The following ERBIN variants were observed in gnomAD, a reference collection of about 807,000 sequenced individuals.
ERBIN encodes densin-180-like protein.
In ERBIN, 60 loss-of-function variants were observed where a neutral mutation model predicts 158.4. The ratio of observed to expected loss-of-function variants is 0.38; its 90% CI spans 0.31 to 0.47. The LOEUF (loss-of-function observed/expected upper bound fraction) is 0.47. ERBIN is among the 20% of genes least tolerant of loss of function. The probability of loss-of-function intolerance (pLI) is 0.99; values close to 1 mark genes in which losing one functional copy is unlikely to be tolerated. For missense variants in ERBIN, 1,610 were observed against 1,648.0 expected (o/e 0.98, Z 0.40); for synonymous variants, 594 against 557.2 (o/e 1.07, Z -0.93).
chr5:66,072,852 A>G (rs1761651834), intron 22 of ERBIN, among the ~76,000 whole-genome samples: 1 of 152,128 alleles, frequency 6.6e-6, no homozygotes, highest in Non-Finnish European at 1.5e-5. Context: ...AACTGATTCC[A>G]TGCCTCTAGT....
chr5:65,954,980 G>A (rs1424758476), intron 1 of ERBIN, among the ~76,000 whole-genome samples: 1 of 152,040 alleles, frequency 6.6e-6, no homozygotes, highest in Non-Finnish European at 1.5e-5. Flanking sequence ...TAGTAGAATC[G>A]CTTGAACTCG....
At chr5:65,998,395 T>TGAAG (rs1418074273) in intron 4 of ERBIN, among the ~76,000 whole-genome samples, 1 of 151,748 alleles carries the variant, frequency 6.6e-6, no homozygotes, top group Non-Finnish European at 1.5e-5. Flanking sequence ...TAGGTTAAGG[T>TGAAG]GAAGGTTTTA....
At chr5:66,001,151 T>A (rs1752979341) in intron 4 of ERBIN, among the ~76,000 whole-genome samples, 1 of 152,170 alleles carries the variant, frequency 6.6e-6, no homozygotes, top group Non-Finnish European at 1.5e-5. Context: ...AATGTAATAT[T>A]TTGAAATTAT....
intron 2 of ERBIN, 107 bp downstream of exon 2, chr5:65,988,789 A>G (rs1404833756): frequency 6.6e-6 from 1 of 152,094 alleles, no homozygotes; most frequent in African/African-American, 2.4e-5. Flanking sequence ...GTTTGAGACC[A>G]GCCTGGGTAA....
At chr5:65,961,743 A>T (rs551026104) in intron 1 of ERBIN, among the ~76,000 whole-genome samples, 95 of 152,104 alleles carry the variant, frequency 6.2e-4, no homozygotes, top group Non-Finnish European at 1.0e-3. Flanking sequence ...TCTGTAGTCT[A>T]CTTCTTTTAC....
At chr5:65,989,816 A>G (rs1366003861) in intron 2 of ERBIN, among the ~76,000 whole-genome samples, 1 of 152,230 alleles carries the variant, frequency 6.6e-6, no homozygotes, top group African/African-American at 2.4e-5. Flanking sequence ...AGTGGCTACC[A>G]TACTGGACAT....
At chr5:66,049,904 A>G (rs985077636) in intron 19 of ERBIN, among the ~76,000 whole-genome samples, 5 of 152,086 alleles carry the variant, frequency 3.3e-5, no homozygotes, top group Non-Finnish European at 7.4e-5. Flanking sequence ...ACCACCTTAC[A>G]TACTGAGAGT....
intron 10 of ERBIN, 43 bp from the exon 11 acceptor site, chr5:66,025,437 T>C: frequency 5.5e-6 from 8 of 1,464,870 alleles, no homozygotes; most frequent in Non-Finnish European, 7.7e-6. Context: ...GACTTGCTTC[T>C]ATTTTAAGCT....
In ERBIN at chr5:66,018,507, T is replaced by C; in HGVS notation, c.534-2815T>C. The stretch of plus-strand genomic sequence containing the variant: ...ATATATTATATTATATAATATATAT[T>C]ATATATTATATAATATATATTATAT... On this transcript the variant is annotated intron_variant, in intron 7 of 25. Transcript: ENST00000284037. Among the ~76,000 whole-genome samples, 2 of 9,172 alleles carry C rather than the reference T, an allele frequency of 2.2e-4. 1 individual carries two copies. Among genetic ancestry groups the C allele is most frequent in the South Asian group, 6.1e-3 (2 of 326 alleles). 6.0% of individuals were successfully genotyped at this position (9,172 alleles called of 152,430 possible).
chr5:66,014,014 G>A lies in ERBIN; in HGVS notation c.476+376G>A, dbSNP rs116661223. Among the ~76,000 whole-genome samples the A allele has an allele frequency of 7.4e-3, 1,124 of 152,138 alleles. 20 individuals are homozygous for A. The highest frequency in any genetic ancestry group is 0.026 in the African/African-American group (1,074 of 41,514). On this transcript the variant is annotated intron_variant, in intron 6 of 25. Transcript: ENST00000284037. ...GAAAAGAGAATCTGTTTCTGGGGGCGACCTCATCATCTCCCTGCCACCCTC... is the reference window on the plus strand; with the variant it reads ...GAAAAGAGAATCTGTTTCTGGGGGCAACCTCATCATCTCCCTGCCACCCTC...
chr5:66,049,767 T>G (rs779553559), intron 19 of ERBIN, among the ~76,000 whole-genome samples: 1 of 152,092 alleles, frequency 6.6e-6, no homozygotes, highest in Non-Finnish European at 1.5e-5. Flanking sequence ...TTTCTGTGAT[T>G]TGGCTAGAAT....
intron 1 of ERBIN, among the ~76,000 whole-genome samples, chr5:65,939,990 GTC>G (rs1426226941): frequency 2.0e-5 from 3 of 149,596 alleles, no homozygotes; most frequent in South Asian, 2.1e-4. Flanking sequence ...AGTGAGGAGC[GTC>G]TCTGCCTGGC....
At chr5:66,011,557 G>A (rs1754205848) in intron 4 of ERBIN, among the ~76,000 whole-genome samples, 1 of 152,122 alleles carries the variant, frequency 6.6e-6, no homozygotes, top group African/African-American at 2.4e-5. Flanking sequence ...CATGGTGGCG[G>A]GCGCCTGTAA....
Position 65,994,142 on chromosome 5 carries a change from A to G in ERBIN, c.190-605A>G, listed in dbSNP as rs1172760801. Among the ~76,000 whole-genome samples the G allele has an allele frequency of 2.0e-5, 3 of 152,296 alleles. No individual in the cohort carries two copies. The East Asian group carries it at 5.8e-4, about 29-fold the overall frequency. On this transcript the variant is annotated intron_variant, in intron 3 of 25. Transcript: ENST00000284037. ...AAGGTTGTTGGTCTCATGTTTATGAACTAGAAACCTAGGTTGTGGTTGGAT... is the reference window on the plus strand; with the variant it reads ...AAGGTTGTTGGTCTCATGTTTATGAGCTAGAAACCTAGGTTGTGGTTGGAT...
intron 21 of ERBIN, chr5:66,068,839 A>G: frequency 1.3e-6 from 2 of 1,499,878 alleles, no homozygotes; most frequent in Non-Finnish European, 1.8e-6. Context: ...TTTGCATGCT[A>G]CACTAATCTC....
At chr5:65,960,448 G>A (rs930671468) in intron 1 of ERBIN, among the ~76,000 whole-genome samples, 1 of 152,112 alleles carries the variant, frequency 6.6e-6, no homozygotes, top group African/African-American at 2.4e-5. Context: ...TCTGCATTTC[G>A]CTATACGTAA....
rs1280011001 is a variant in ERBIN at position 66,021,318 on chromosome 5, A to G, written c.534-4A>G. On this transcript the variant is annotated splice_polypyrimidine_tract_variant and splice_region_variant and intron_variant, in intron 7 of 25. Coordinates refer to ENST00000284037, the MANE Select transcript of ERBIN (RefSeq NM_001253697.2). ...TTAATTTTTCATTACTCCATTATGA[A>G]CAGAACTATGAATAGACTGACCCAG... 1.4e-5 allele frequency: 22 copies of G among 1,580,158 alleles called. No individual in the cohort carries two copies. Among genetic ancestry groups the G allele is most frequent in the Non-Finnish European group, 1.8e-5 (21 of 1,156,252 alleles).
At chr5:65,928,990 A>C (rs1006732490) in intron 1 of ERBIN, among the ~76,000 whole-genome samples, 1 of 152,212 alleles carries the variant, frequency 6.6e-6, no homozygotes, top group South Asian at 2.1e-4. Context: ...CAAAATACAC[A>C]CTTAAAGGCT....
chr5:65,969,808 G>A (rs973286264), intron 1 of ERBIN, among the ~76,000 whole-genome samples: 1 of 152,120 alleles, frequency 6.6e-6, no homozygotes, highest in African/African-American at 2.4e-5. Context: ...AGGAACAGTA[G>A]TTTCAGATAC....
Sources: allele counts gnomAD v4.1 joint callset (sites outside exome capture counted in the v4.1 genomes callset), GRCh38; gene constraint gnomAD v4.1.1; transcripts MANE v1.5; gene names NCBI Gene and HGNC (gene_info 2026-07-23, HGNC 2026-07-21).